MAP2K3: variants seen among roughly 807,000 people sequenced by gnomAD.
MAP2K3 encodes dual specificity mitogen-activated protein kinase kinase 3.
MAP2K3 carries 30 observed loss-of-function variants against 46.4 expected under a neutral mutation model. That is an observed-to-expected ratio of 0.65 (90% confidence interval 0.48 to 0.88). The LOEUF (loss-of-function observed/expected upper bound fraction) is 0.88, where lower values mean the gene tolerates loss of function less well. Among genes scored for constraint, MAP2K3 ranks in the 40% least tolerant of loss-of-function variants. The probability of loss-of-function intolerance (pLI) is 0.00; values close to 1 mark genes in which losing one functional copy is unlikely to be tolerated. For synonymous variants in MAP2K3, 189 were observed against 176.3 expected (o/e 1.07, Z -0.57); for missense variants, 380 against 464.5 (o/e 0.82, Z 1.67).
intron 9 of MAP2K3, among the ~76,000 whole-genome samples, chr17:21,308,440 G>A (rs1009508578): frequency 2.0e-5 from 3 of 152,300 alleles, no homozygotes; most frequent in Non-Finnish European, 4.4e-5. Context: ...GAACCACCAC[G>A]CCCAGCCTTG....
chr17:21,303,441 CTT>C (rs1335703298), intron 7 of MAP2K3, among the ~76,000 whole-genome samples: 3 of 152,312 alleles, frequency 2.0e-5, no homozygotes, highest in Non-Finnish European at 4.4e-5. Context: ...ACTGGCTTGA[CTT>C]CTGTCCTGAG....
At chr17:21,298,627 G>A (rs1481190081) in intron 2 of MAP2K3, 148 bp downstream of exon 2, 13 of 1,333,056 alleles carry the variant, frequency 9.8e-6, no homozygotes, top group African/African-American at 1.4e-5. Context: ...CCAGGTGACG[G>A]CTGCTGGGGG....
chr17:21,300,465 G>A, intron 3 of MAP2K3, 80 bp from the exon 4 acceptor site: 2 of 1,430,968 alleles, frequency 1.4e-6, no homozygotes, highest in South Asian at 1.2e-5. Context: ...TCTTCATGCT[G>A]CCCAGGTATC....
At chr17:21,300,503 T>C (rs750230425) in intron 3 of MAP2K3, 42 bp from the exon 4 acceptor site, 2 of 1,568,874 alleles carry the variant, frequency 1.3e-6, no homozygotes, top group Non-Finnish European at 1.7e-6. Flanking sequence ...GAGGACTGGC[T>C]TCCAGCTTGC....
chr17:21,313,053 C>T (rs750095422), intron 10 of MAP2K3, among the ~76,000 whole-genome samples: 8 of 152,144 alleles, frequency 5.3e-5, no homozygotes, highest in African/African-American at 1.2e-4. Context: ...CCATGGTCCC[C>T]GCACTTTTAT....
At chr17:21,295,046 C>G (rs919334111) in intron 1 of MAP2K3, among the ~76,000 whole-genome samples, 1 of 152,306 alleles carries the variant, frequency 6.6e-6, no homozygotes, top group African/African-American at 2.4e-5. Flanking sequence ...CTGGGGCCTG[C>G]GCAGTCAGGC....
At chr17:21,300,837 G>A in intron 4 of MAP2K3, 37 bp from the exon 5 acceptor site, 1 of 1,613,662 alleles carries the variant, frequency 6.2e-7, no homozygotes, top group Non-Finnish European at 8.5e-7. Context: ...GTTGGCCTCT[G>A]CCACGGCAAC....
At chr17:21,288,043 T>A in intron 1 of MAP2K3, 1 of 1,289,246 alleles carries the variant, frequency 7.8e-7, no homozygotes, top group South Asian at 1.2e-5. Flanking sequence ...AGCAAAGTTC[T>A]CAGTTGGCCC....
Position 21,304,435 on chromosome 17 carries a change from C to T in MAP2K3, c.578C>T (p.Pro193Leu). The T allele has an allele frequency of 6.2e-7, 1 of 1,614,320 alleles. No homozygotes were observed. Among genetic ancestry groups the T allele is most frequent in the Non-Finnish European group, 8.5e-7 (1 of 1,180,060 alleles). Residue 193 changes from proline to leucine, a missense_variant, in exon 8 of 12, where the codon CCC (proline) becomes CTC (leucine). Physicochemically the swap from Pro to Leu is moderately conservative, Grantham distance 98. Coordinates refer to ENST00000342679, the MANE Select transcript of MAP2K3 (RefSeq NM_145109.3). ...KLSVIHRDVK[P>L]SNVLINKEGH... ...TGTCCCTCCCTGGCAGATGTGAAGC[C>T]CTCCAATGTCCTTATCAACAAGGAG...
intron 9 of MAP2K3, among the ~76,000 whole-genome samples, chr17:21,307,845 CTTTTTTTTTTTTTTTTTTTT>C (rs35690616): frequency 3.8e-5 from 4 of 104,738 alleles, no homozygotes. Flanking sequence ...GCCCGGCTAT[CTTTTTTTTTTTTTTTTTTTT>C]TTTTTTTTGA....
At position 21,291,336 on chromosome 17, in the gene MAP2K3, T is replaced by TACAACACAACACAACACAAC. The variant is rs1184530488; in HGVS notation, c.49+6371_49+6372insCACAACACAACACAACACAA. 5.7e-5 allele frequency: 3 copies of TACAACACAACACAACACAAC among 52,738 alleles called. No homozygotes were observed. In the African/African-American group the frequency reaches 7.8e-4, roughly 14 times the overall value. 3.3% of individuals were successfully genotyped at this position (52,738 alleles called of 1,614,324 possible). A position where few individuals can be genotyped will look rare whatever the true frequency, so the allele number is the denominator to read the frequency against. ...TACAATAGAATACAATAGAATACAG[T>TACAACACAACACAACACAAC]ACAATACAATACAACACAACACAAC... On this transcript the variant is annotated intron_variant, in intron 1 of 11. Transcript: ENST00000342679.
intron 1 of MAP2K3, among the ~76,000 whole-genome samples, chr17:21,295,409 G>A (rs923799545): frequency 2.6e-5 from 4 of 152,308 alleles, no homozygotes; most frequent in Admixed American, 2.0e-4. Context: ...AGGACACCCC[G>A]TGCTGAGAGC....
chr17:21,301,937 G>T (rs574826128), intron 5 of MAP2K3, among the ~76,000 whole-genome samples: 399 of 152,138 alleles, frequency 2.6e-3, no homozygotes, highest in African/African-American at 9.0e-3. Flanking sequence ...GGAGGCTGGC[G>T]CCCGAACCTG....
intron 2 of MAP2K3, 129 bp downstream of exon 2, chr17:21,298,608 T>A: frequency 6.8e-7 from 1 of 1,471,630 alleles, no homozygotes; most frequent in Non-Finnish European, 9.5e-7. Context: ...GCCCCTGCTG[T>A]GCATACAGCC....
At chr17:21,302,314 G>C (rs1237523507) in intron 6 of MAP2K3, 55 bp downstream of exon 6, 2 of 1,518,848 alleles carry the variant, frequency 1.3e-6, no homozygotes, top group Non-Finnish European at 1.8e-6. Context: ...CAGAGGCCCA[G>C]CCCTGCCAGC....
In MAP2K3 at chr17:21,297,143, G is replaced by A. The variant is rs1202103795; in HGVS notation, c.50-1270G>A. Among the ~76,000 whole-genome samples, 5 of 152,430 alleles carry A rather than the reference G, an allele frequency of 3.3e-5. No homozygotes were observed. The East Asian group carries it at 7.7e-4, about 23-fold the overall frequency. ...TTCCCAGTAGCGGTAACCACCCTTC[G>A]CCCTCCATCTGGGCTGGGTTGGCTG... On this transcript the variant is annotated intron_variant, in intron 1 of 11. Coordinates refer to ENST00000342679, the MANE Select transcript of MAP2K3 (RefSeq NM_145109.3).
chr17:21,307,285 C>G (rs1189081766), intron 9 of MAP2K3, among the ~76,000 whole-genome samples: 2 of 152,304 alleles, frequency 1.3e-5, no homozygotes, highest in African/African-American at 4.8e-5. Flanking sequence ...ACTCCTGTCA[C>G]TCAGGAAATT....
At position 21,314,298 on chromosome 17, in the gene MAP2K3, AC is replaced by A. The variant is rs1197179167; in HGVS notation, c.*71del. On this transcript the variant is annotated 3_prime_UTR_variant, in exon 12 of 12. Coordinates refer to ENST00000342679, the MANE Select transcript of MAP2K3 (RefSeq NM_145109.3). ...AGCCCCATCTGCGGGGGCAGTGCTC[AC>A]CCACACCATAAGCTACTGCCATCCT... The A allele has an allele frequency of 9.6e-6, 13 of 1,348,298 alleles. No individual in the cohort carries two copies. The Admixed American group carries it at 1.8e-4, about 19-fold the overall frequency. The allele number at this position is 1,348,298 out of a possible 1,614,324, so 83.5% of individuals were successfully genotyped here.
chr17:21,307,035 C>A (rs1976920995), intron 9 of MAP2K3, among the ~76,000 whole-genome samples: 2 of 152,428 alleles, frequency 1.3e-5, no homozygotes, highest in African/African-American at 2.4e-5. Context: ...ATCTGCCTAC[C>A]TCGGCCTCCC....
Sources: allele counts gnomAD v4.1 joint callset (sites outside exome capture counted in the v4.1 genomes callset), GRCh38; gene constraint gnomAD v4.1.1; transcripts MANE v1.5; gene names NCBI Gene and HGNC (gene_info 2026-07-23, HGNC 2026-07-21).